APOH: variants seen among roughly 807,000 people sequenced by gnomAD.
APOH encodes beta-2-glycoprotein 1.
APOH carries 48 observed loss-of-function variants against 39.8 expected under a neutral mutation model. That is an observed-to-expected ratio of 1.21 (90% CI 0.96 to 1.54). The LOEUF is 1.54. APOH is among the 40% of genes most tolerant of loss of function. The probability of loss-of-function intolerance (pLI) is 0.00; values close to 1 mark genes in which losing one functional copy is unlikely to be tolerated. For missense variants in APOH, 415 were observed against 421.2 expected (o/e 0.99, Z 0.13); for synonymous variants, 153 against 151.1 (o/e 1.01, Z -0.09).
At position 66,216,904 on chromosome 17, in the gene APOH, G is replaced by A. The variant is rs773459387; in HGVS notation, c.668C>T (p.Thr223Ile). 1 of 1,612,882 alleles carries A rather than the reference G, an allele frequency of 6.2e-7. No individual in the cohort carries two copies. The highest frequency in any genetic ancestry group is 8.5e-7 in the Non-Finnish European group (1 of 1,179,528). The change falls in exon 6 of 8, where the codon ACA (threonine) becomes ATA (isoleucine). Residue 223 changes from threonine (T) to isoleucine (I), a missense_variant. By Grantham distance (89) the Thr-to-Ile change is moderately conservative. Around this residue, in one of 3 missense-constraint regions of APOH, gnomAD observed 288 missense variants for 284.9 expected, o/e 1.01. Coordinates refer to ENST00000205948, the MANE Select transcript of APOH (RefSeq NM_000042.3). ...NGFVNYPAKP[T>I]LYYKDKATFG... ...TGTGGCTTTATCCTTGTAATAAAGT[G>A]TTGGTTTTGCAGGATAGTTCACAAA...
chr17:66,214,722 G>A lies in APOH; in HGVS notation c.785-72C>T, dbSNP rs1375681703. 6 of 1,336,304 alleles carry A rather than the reference G, an allele frequency of 4.5e-6. No homozygotes were observed. The East Asian group carries it at 1.4e-4, about 31-fold the overall frequency. 82.8% of individuals were successfully genotyped at this position (1,336,304 alleles called of 1,614,324 possible). ...CTTTCTGAAAGAGAGTATAGCATTT[G>A]AAACAGTAGATGAGTACACCTACAC... On this transcript the variant is annotated intron_variant, in intron 6 of 7. Coordinates refer to ENST00000205948, the MANE Select transcript of APOH (RefSeq NM_000042.3).
chr17:66,227,953 G>C, intron 2 of APOH, 67 bp downstream of exon 2: 1 of 1,527,116 alleles, frequency 6.5e-7, no homozygotes, highest in East Asian at 2.3e-5. Context: ...TGACGAGGTA[G>C]CTTATTCCTC....
chr17:66,213,859 G>A lies in APOH; in HGVS notation c.982+594C>T, dbSNP rs541330040. On this transcript the variant is annotated intron_variant, in intron 7 of 7. Coordinates refer to ENST00000205948, the MANE Select transcript of APOH (RefSeq NM_000042.3). ...AGGCTGAGGTGAAAGGGTCACTTGA[G>A]CCCAGAAAGTAGAGGCTGCAATGAG... Among the ~76,000 whole-genome samples, 6 of 152,032 alleles carry A rather than the reference G, an allele frequency of 3.9e-5. No homozygotes were observed. The South Asian group carries it at 1.2e-3, about 32-fold the overall frequency.
At position 66,212,309 on chromosome 17, in the gene APOH, G is replaced by T. The variant is rs1296517954; in HGVS notation, c.983-121C>A. Reference sequence around the variant, plus strand: ...ATAGAATACATGTGATTATGTGAATGAAACCATTTAGTGTGAGGTTTAAGT... The same window carrying T: ...ATAGAATACATGTGATTATGTGAATTAAACCATTTAGTGTGAGGTTTAAGT... On this transcript the variant is annotated intron_variant, in intron 7 of 7. Transcript: ENST00000205948. 5.3e-6 allele frequency: 4 copies of T among 755,314 alleles called. No individual in the cohort carries two copies. In the African/African-American group the frequency reaches 7.0e-5, roughly 13 times the overall value. 46.8% of individuals were successfully genotyped at this position (755,314 alleles called of 1,614,324 possible).
intron 7 of APOH, among the ~76,000 whole-genome samples, chr17:66,212,758 G>A (rs1395528356): frequency 6.6e-6 from 1 of 152,078 alleles, no homozygotes; most frequent in Non-Finnish European, 1.5e-5. Context: ...GATTAAAGGG[G>A]AAAAAACAGT....
At chr17:66,226,190 T>C (rs1422970390) in intron 2 of APOH, 66 bp from the exon 3 acceptor site, 7 of 1,151,544 alleles carry the variant, frequency 6.1e-6, no homozygotes, top group Non-Finnish European at 5.0e-6. Context: ...CAGGTAAATT[T>C]CTATTTATAG....
At chr17:66,224,253 A>G (rs2073420794) in intron 3 of APOH, among the ~76,000 whole-genome samples, 1 of 152,022 alleles carries the variant, frequency 6.6e-6, no homozygotes, top group African/African-American at 2.4e-5. Flanking sequence ...AGATGGGCGG[A>G]TCACTTGAGC....
In APOH at chr17:66,228,825, A is replaced by C. The variant is rs546539689; in HGVS notation, c.64+491T>G. ...AAAAAAAAAAAAAAAGAATTTAATT[A>C]TTCTTCTTCTTATTATTATTATTGT... On this transcript the variant is annotated intron_variant, in intron 1 of 7. Transcript: ENST00000205948. Among the ~76,000 whole-genome samples the C allele has an allele frequency of 5.3e-4, 79 of 149,574 alleles. 1 individual carries two copies. The highest frequency in any genetic ancestry group is 1.3e-3 in the African/African-American group (53 of 40,876).
At chr17:66,221,672 G>T in intron 4 of APOH, among the ~76,000 whole-genome samples, 1 of 152,094 alleles carries the variant, frequency 6.6e-6, no homozygotes. Flanking sequence ...TCCATTACCA[G>T]TTCAGTCTGT....
intron 6 of APOH, 111 bp downstream of exon 6, chr17:66,216,677 T>C (rs1402734410): frequency 2.6e-6 from 3 of 1,145,306 alleles, no homozygotes; most frequent in Admixed American, 2.6e-5. Flanking sequence ...AGCAGTTTCC[T>C]AGCAAGTCTG....
intron 5 of APOH, among the ~76,000 whole-genome samples, 186 bp downstream of exon 5, chr17:66,220,367 CA>C (rs1195245126): frequency 6.6e-6 from 1 of 152,194 alleles, no homozygotes; most frequent in Admixed American, 6.6e-5. Context: ...TCCCTTGGGT[CA>C]GAAGCCAGGT....
chr17:66,220,861 T>C, intron 4 of APOH, 119 bp from the exon 5 acceptor site: 2 of 1,074,326 alleles, frequency 1.9e-6, no homozygotes, highest in Non-Finnish European at 2.6e-6. Context: ...CTGATCAAAT[T>C]AGCAGGGTAA....
chr17:66,220,800 C>T, intron 4 of APOH, 58 bp from the exon 5 acceptor site: 1 of 1,447,810 alleles, frequency 6.9e-7, no homozygotes, highest in Non-Finnish European at 9.4e-7. Flanking sequence ...TAAATATACT[C>T]TTTCCAGAAA....
At chr17:66,213,260 C>T (rs8178944) in intron 7 of APOH, among the ~76,000 whole-genome samples, 1,999 of 152,336 alleles carry the variant, frequency 0.013, 42 homozygotes, top group African/African-American at 0.044. Flanking sequence ...GCATCAGAGA[C>T]ATTTCAACCC....
At chr17:66,220,320 C>T (rs1462214463) in intron 5 of APOH, among the ~76,000 whole-genome samples, 1 of 152,212 alleles carries the variant, frequency 6.6e-6, no homozygotes, top group Non-Finnish European at 1.5e-5. Context: ...GAAGCTGTCC[C>T]AGGCAGCTCC....
intron 6 of APOH, among the ~76,000 whole-genome samples, chr17:66,215,095 C>T (rs544879882): frequency 6.6e-6 from 1 of 152,278 alleles, no homozygotes; most frequent in South Asian, 2.1e-4. Context: ...GGGAAGCCAC[C>T]TCTCCCAGGA....
chr17:66,217,699 C>T (rs1340858889), intron 5 of APOH, among the ~76,000 whole-genome samples: 1 of 152,044 alleles, frequency 6.6e-6, no homozygotes, highest in African/African-American at 2.4e-5. Context: ...TTCGGTCATC[C>T]TGGCACTTTG....
rs1567741790 is a variant in APOH at position 66,224,686 on chromosome 17, G to GGAAAGAAAA, written c.339-913_339-912insTTTTCTTTC. Among the ~76,000 whole-genome samples, 93 of 27,442 alleles carry GGAAAGAAAA rather than the reference G, an allele frequency of 3.4e-3. 4 individuals are homozygous for GGAAAGAAAA. Among genetic ancestry groups the GGAAAGAAAA allele is most frequent in the Non-Finnish European group, 2.5e-3 (40 of 15,788 alleles). 18.0% of individuals were successfully genotyped at this position (27,442 alleles called of 152,430 possible). ...GGGAAGGGAAGGGAAGGGAAGGGAA[G>GGAAAGAAAA]GGAAGGGAAAGGAAAGGAAAGGAAA... On this transcript the variant is annotated intron_variant, in intron 3 of 7. Coordinates refer to ENST00000205948, the MANE Select transcript of APOH (RefSeq NM_000042.3).
In APOH at chr17:66,220,700, A is replaced by T; in HGVS notation, c.458T>A (p.Leu153His). 6.2e-7 allele frequency: 1 copy of T among 1,614,090 alleles called. No homozygotes were observed. Among genetic ancestry groups the T allele is most frequent in the Non-Finnish European group, 8.5e-7 (1 of 1,179,974 alleles). Residue 153 changes from leucine to histidine, a missense_variant, in exon 5 of 8, where the codon CTT becomes CAT. Coordinates refer to ENST00000205948, the MANE Select transcript of APOH (RefSeq NM_000042.3). The part of the protein sequence containing the change: ...PPPSIPTFAT[L>H]RVYKPSAGNN... ...TCCAGCTGATGGCTTATAAACACGA[A>T]GTGTTGCAAACGTAGGTATGGATGG...
Sources: allele counts gnomAD v4.1 joint callset (sites outside exome capture counted in the v4.1 genomes callset), GRCh38; gene constraint gnomAD v4.1.1; regional missense constraint gnomAD v4.1.1; transcripts MANE v1.5; gene names NCBI Gene and HGNC (gene_info 2026-07-23, HGNC 2026-07-21).